Variants in PTPRF observed in about 807,000 individuals in gnomAD.
PTPRF encodes receptor-type tyrosine-protein phosphatase F.
Under a neutral mutation model 201.8 loss-of-function variants are expected in PTPRF, and 59 were observed. That is an observed-to-expected ratio of 0.29 (90% confidence interval 0.24 to 0.36). PTPRF has a LOEUF of 0.36. PTPRF is among the 10% of genes least tolerant of loss of function. The pLI is 1.00. For missense variants in PTPRF, 2,132 were observed against 2,690.5 expected, an observed-to-expected ratio of 0.79 and a Z score of 4.59; for synonymous variants, 1,088 against 1,089.7, an observed-to-expected ratio of 1.00 and a Z score of 0.03.
intron 21 of PTPRF, among the ~76,000 whole-genome samples, chr1:43,607,381 G>T (rs1655378530): frequency 6.6e-6 from 1 of 152,174 alleles, no homozygotes; most frequent in South Asian, 2.1e-4. Context: ...TCCTGCTTAG[G>T]CCTAGAGAGG....
chr1:43,571,287 C>A (rs943099289), intron 6 of PTPRF, among the ~76,000 whole-genome samples: 4 of 152,162 alleles, frequency 2.6e-5, no homozygotes, highest in African/African-American at 9.7e-5. Flanking sequence ...CCCTTCCCTG[C>A]AGCAGCATCT....
chr1:43,593,268 A>T (rs1450827764), intron 11 of PTPRF, among the ~76,000 whole-genome samples: 1 of 152,058 alleles, frequency 6.6e-6, no homozygotes, highest in East Asian at 1.9e-4. Flanking sequence ...CATGAGTGTG[A>T]GTGTGTGACC....
chr1:43,601,325 G>A (rs1448236468), intron 13 of PTPRF, among the ~76,000 whole-genome samples: 1 of 152,216 alleles, frequency 6.6e-6, no homozygotes, highest in African/African-American at 2.4e-5. Context: ...CCGCAACACT[G>A]CCAGCCCCGA....
chr1:43,559,697 ACAG>A (rs1242013944), intron 5 of PTPRF, among the ~76,000 whole-genome samples: 2 of 145,660 alleles, frequency 1.4e-5, no homozygotes, highest in Non-Finnish European at 3.0e-5. Context: ...TGTGTGGTGT[ACAG>A]CAGGTGGTGT....
rs373814583 is a variant in PTPRF, at chr1:43,598,881, A to G, written c.2281A>G (p.Ile761Val). 37 of 1,613,918 alleles carry G rather than the reference A, an allele frequency of 2.3e-5. No individual in the cohort carries two copies. The highest frequency in any genetic ancestry group is 2.9e-5 in the Non-Finnish European group (34 of 1,179,984). ...LENGEPRGLP[I>V]IQDVMLAEAQ... ...GAATGGCGAGCCCCGTGGACTCCCC[A>G]TCATCCAAGACGTCATGCTAGCCGA... The change falls in exon 13 of 34, where the codon ATC becomes GTC. Residue 761 changes from isoleucine to valine, a missense_variant. By Grantham distance (29) the Ile-to-Val change is conservative. Transcript: ENST00000359947.
chr1:43,603,016 G>A lies in PTPRF; in HGVS notation c.2341-400G>A, dbSNP rs974978323. Among the ~76,000 whole-genome samples, 30 of 152,288 alleles carry A rather than the reference G, an allele frequency of 2.0e-4. No individual in the cohort carries two copies. The highest frequency in any genetic ancestry group is 6.3e-4 in the African/African-American group (26 of 41,550). On this transcript the variant is annotated intron_variant, in intron 14 of 33. Transcript: ENST00000359947. The surrounding 1 kb of genome is among the most constrained non-coding windows in gnomAD (Gnocchi z 5.8). ...CACTGGTGTCCACAGGCAGCCTTAC[G>A]CCTGCTTATGCAGGAGCTGTAGGCT...
At chr1:43,535,527 G>A (rs746657159) in intron 1 of PTPRF, among the ~76,000 whole-genome samples, 3 of 152,156 alleles carry the variant, frequency 2.0e-5, no homozygotes, top group Non-Finnish European at 4.4e-5. Context: ...TCTGGGGACT[G>A]TTCCTGGTGC....
chr1:43,575,367 G>T (rs1646852549), intron 6 of PTPRF, among the ~76,000 whole-genome samples: 1 of 152,294 alleles, frequency 6.6e-6, no homozygotes, highest in South Asian at 2.1e-4. Context: ...TCTCTGGGCT[G>T]TGAGTTTGCT....
intron 19 of PTPRF, 134 bp downstream of exon 19, chr1:43,605,756 GCCCC>G (rs1654945303): frequency 1.2e-6 from 1 of 861,752 alleles, no homozygotes; most frequent in Non-Finnish European, 1.9e-6. Flanking sequence ...CTGGCAGCCC[GCCCC>G]TCTCTGGAGA....
At chr1:43,575,241 G>A (rs1646845379) in intron 6 of PTPRF, among the ~76,000 whole-genome samples, 1 of 152,214 alleles carries the variant, frequency 6.6e-6, no homozygotes, top group African/African-American at 2.4e-5. Flanking sequence ...GTTATGAGGT[G>A]CTAGACAGGA....
At chr1:43,550,055 GT>G (rs1389380295) in intron 3 of PTPRF, among the ~76,000 whole-genome samples, 1 of 152,036 alleles carries the variant, frequency 6.6e-6, no homozygotes, top group Non-Finnish European at 1.5e-5. Context: ...GCGGGTGGAG[GT>G]GGATTGGAGG....
At position 43,622,892 on chromosome 1, in the gene PTPRF, C is replaced by T. The variant is rs916911584; in HGVS notation, c.*889C>T. The T allele has an allele frequency of 6.6e-6, 1 of 152,150 alleles. No individual in the cohort carries two copies. The highest frequency in any genetic ancestry group is 1.9e-4 in the East Asian group (1 of 5,200). The allele number at this position is 152,150 out of a possible 1,614,324, so 9.4% of individuals were successfully genotyped here. A position where few individuals can be genotyped will look rare whatever the true frequency, so the allele number is the denominator to read the frequency against. On this transcript the variant is annotated 3_prime_UTR_variant, in exon 34 of 34. Transcript: ENST00000359947. ...AATAAAAAACAAAAAAAACAAAAAA[C>T]CCAAGAAAAAAAAAAAGAGTCAGCC... is the stretch of plus-strand genomic sequence containing the variant.
intron 11 of PTPRF, among the ~76,000 whole-genome samples, chr1:43,597,163 C>CTG (rs10652057): frequency 0.42 from 63,495 of 151,780 alleles, 13,414 homozygotes; most frequent in East Asian, 0.56. Context: ...ATACGTGAGA[C>CTG]TGTGAGACAC....
intron 6 of PTPRF, among the ~76,000 whole-genome samples, chr1:43,570,928 C>T (rs781199610): frequency 8.5e-5 from 13 of 152,266 alleles, no homozygotes; most frequent in Non-Finnish European, 1.3e-4. Flanking sequence ...GCGGCCAGCA[C>T]GGTTCGGCTC....
At chr1:43,573,466 G>A (rs1341743911) in intron 6 of PTPRF, among the ~76,000 whole-genome samples, 1 of 152,214 alleles carries the variant, frequency 6.6e-6, no homozygotes, top group Non-Finnish European at 1.5e-5. Flanking sequence ...AAGAAGAGAT[G>A]CAGCATCTGG....
intron 5 of PTPRF, among the ~76,000 whole-genome samples, chr1:43,558,620 T>TCGC (rs780296029): frequency 2.0e-4 from 31 of 152,164 alleles, no homozygotes; most frequent in Non-Finnish European, 3.8e-4. Flanking sequence ...AGCCTCTCCC[T>TCGC]CGCCGGGTAA....
intron 21 of PTPRF, among the ~76,000 whole-genome samples, chr1:43,608,786 C>T (rs1303368618): frequency 6.6e-6 from 1 of 152,240 alleles, no homozygotes; most frequent in African/African-American, 2.4e-5. Context: ...GCACATGCGT[C>T]TGCAGACCAC....
chr1:43,524,869 T>C (rs1236106865), upstream of PTPRF, among the ~76,000 whole-genome samples: 1 of 151,920 alleles, frequency 6.6e-6, no homozygotes, highest in African/African-American at 2.4e-5. Flanking sequence ...GTAAAGAGAA[T>C]GGGGAGGGCT....
chr1:43,592,086 G>A, intron 10 of PTPRF, 138 bp downstream of exon 10: 1 of 1,247,050 alleles, frequency 8.0e-7, no homozygotes, highest in Admixed American at 2.3e-5. Flanking sequence ...GAGGCTTAGT[G>A]GTGCATGCGT....
Sources: gnomAD v4.1 joint callset for allele counts (sites outside exome capture counted in the v4.1 genomes callset) on GRCh38, gnomAD v4.1.1 for gene constraint, Gnocchi (gnomAD v3.1) non-coding constraint, MANE v1.5 for transcripts, NCBI Gene and HGNC (gene_info 2026-07-23, HGNC 2026-07-21) for gene names.